Variants in TSPAN14 observed in about 807,000 individuals in gnomAD.
The protein encoded by TSPAN14 is tetraspanin 14.
Under a neutral mutation model 36.6 loss-of-function variants are expected in TSPAN14, and 16 were observed. The ratio of observed to expected loss-of-function variants is 0.44; its 90% CI spans 0.30 to 0.66. The LOEUF (loss-of-function observed/expected upper bound fraction) is 0.66. TSPAN14 is among the 30% of genes least tolerant of loss of function. The pLI, the probability that TSPAN14 is intolerant of heterozygous loss-of-function variation, is 0.12. For missense variants in TSPAN14, 231 were observed against 355.1 expected (o/e 0.65, Z 2.81); for synonymous variants, 139 against 143.8 (o/e 0.97, Z 0.24).
exon 9 of TSPAN14, chr10:80,518,234 G>C: frequency 1.9e-6 from 1 of 529,530 alleles, no homozygotes; most frequent in African/African-American, 1.9e-5. Context: ...ATGTGGGAGT[G>C]GTGACTCTGA....
intron 1 of TSPAN14, among the ~76,000 whole-genome samples, chr10:80,471,677 A>AGG (rs142735971): frequency 1.8e-3 from 277 of 152,188 alleles, no homozygotes; most frequent in African/African-American, 6.4e-3. Flanking sequence ...TCAATGGCAG[A>AGG]GGGAAGTAGG....
exon 9 of TSPAN14, chr10:80,519,822 C>G (rs536106528): frequency 6.7e-6 from 1 of 150,266 alleles, no homozygotes; most frequent in East Asian, 1.9e-4. Flanking sequence ...TTTTAAGATT[C>G]TGTATGGCAG....
At chr10:80,466,326 T>G (rs893473133) in intron 1 of TSPAN14, 1 of 152,152 alleles carries the variant, frequency 6.6e-6, no homozygotes, top group Non-Finnish European at 1.5e-5. Flanking sequence ...TGAATATGGT[T>G]TAGTGTAGCC....
At chr10:80,494,804 A>T (rs79434811) in intron 2 of TSPAN14, among the ~76,000 whole-genome samples, 1 of 152,122 alleles carries the variant, frequency 6.6e-6, no homozygotes, top group Non-Finnish European at 1.5e-5. Flanking sequence ...TTTTGTTTTC[A>T]CTGCTGGGAA....
rs113739821 is a variant in TSPAN14 at position 80,469,153 on chromosome 10, G to A, written c.-18+14782G>A. ...GTGAGGTTATCTTTGGGGCATGGGG[G>A]TGGGGGTAGGGATGGGGGGGTAACT... On this transcript the variant is annotated intron_variant, in intron 1 of 8. Coordinates refer to ENST00000429989, the Ensembl canonical transcript of TSPAN14. Among the ~76,000 whole-genome samples the A allele has an allele frequency of 2.9e-3, 434 of 151,890 alleles. 2 individuals carry two copies. The highest frequency in any genetic ancestry group is 9.8e-3 in the African/African-American group (406 of 41,430).
chr10:80,471,633 C>T (rs1359747154), intron 1 of TSPAN14, among the ~76,000 whole-genome samples: 1 of 152,194 alleles, frequency 6.6e-6, no homozygotes, highest in Non-Finnish European at 1.5e-5. Flanking sequence ...CCTGCTTTGG[C>T]CTAGCATCCT....
chr10:80,474,457 G>C (rs1846738330), intron 1 of TSPAN14, among the ~76,000 whole-genome samples: 1 of 151,768 alleles, frequency 6.6e-6, no homozygotes, highest in Non-Finnish European at 1.5e-5. Context: ...CCTCAGGACG[G>C]GAGGGGAGGG....
exon 6 of TSPAN14, chr10:80,512,234 G>A (rs1840700005): frequency 3.1e-6 from 5 of 1,614,132 alleles, no homozygotes; most frequent in East Asian, 2.2e-5. Context: ...AGAGAAGTGC[G>A]GGGTCCCCTT....
At chr10:80,456,257 T>TG (rs1049962373) in intron 1 of TSPAN14, among the ~76,000 whole-genome samples, 66 of 151,682 alleles carry the variant, frequency 4.4e-4, no homozygotes, top group African/African-American at 1.1e-3. Context: ...GACGGGGTTG[T>TG]GGGGGGGGTC....
At chr10:80,486,344 A>G (rs967821073) in intron 1 of TSPAN14, among the ~76,000 whole-genome samples, 12 of 152,208 alleles carry the variant, frequency 7.9e-5, no homozygotes, top group African/African-American at 2.4e-4. Context: ...GCAGGAGACC[A>G]GGGACCGTCA....
At chr10:80,490,382 T>C (rs867541307) in intron 2 of TSPAN14, among the ~76,000 whole-genome samples, 1 of 152,110 alleles carries the variant, frequency 6.6e-6, no homozygotes, top group African/African-American at 2.4e-5. Context: ...GTCTGAATAT[T>C]GAGCCCTAGG....
intron 3 of TSPAN14, among the ~76,000 whole-genome samples, chr10:80,506,238 G>C (rs1840292518): frequency 6.6e-6 from 1 of 152,198 alleles, no homozygotes; most frequent in African/African-American, 2.4e-5. Flanking sequence ...CTCCCAAAGT[G>C]CTGGGATTAC....
At chr10:80,503,285 G>C (rs1192713284) in intron 2 of TSPAN14, among the ~76,000 whole-genome samples, 1 of 152,204 alleles carries the variant, frequency 6.6e-6, no homozygotes, top group East Asian at 1.9e-4. Context: ...AGCGGGAAAA[G>C]GGTGTGGTGT....
chr10:80,520,543 C>A (rs74143165), exon 9 of TSPAN14: 1 of 495,318 alleles, frequency 2.0e-6, no homozygotes, highest in South Asian at 1.5e-5. Flanking sequence ...CATGCACATG[C>A]TAACTTTAAA....
At chr10:80,473,258 G>A (rs1846657781) in intron 1 of TSPAN14, among the ~76,000 whole-genome samples, 1 of 152,210 alleles carries the variant, frequency 6.6e-6, no homozygotes, top group African/African-American at 2.4e-5. Context: ...ACAGCACTGA[G>A]GTAGACAGAG....
intron 2 of TSPAN14, among the ~76,000 whole-genome samples, chr10:80,496,689 T>G (rs1848215687): frequency 6.6e-6 from 1 of 152,150 alleles, no homozygotes; most frequent in South Asian, 2.1e-4. Flanking sequence ...TCCTTTAGTT[T>G]CCATAGCTTT....
chr10:80,479,635 C>T (rs1048684600), intron 1 of TSPAN14, among the ~76,000 whole-genome samples: 5 of 152,174 alleles, frequency 3.3e-5, no homozygotes, highest in Non-Finnish European at 7.3e-5. Flanking sequence ...GGCCTCTGTT[C>T]TGTTCCATTG....
rs909595723 is a variant in TSPAN14 at position 80,454,918 on chromosome 10, C to T, written c.-18+547C>T. On this transcript the variant is annotated intron_variant, in intron 1 of 8. Coordinates refer to ENST00000429989, the Ensembl canonical transcript of TSPAN14. The stretch of plus-strand genomic sequence containing the variant: ...CGCCGTGGTTGTGCTCAGTCTCCCA[C>T]GCCGCCGTGGGTCCCACTCTGCCCG... Among the ~76,000 whole-genome samples, 17 of 152,336 alleles carry T rather than the reference C, an allele frequency of 1.1e-4. No individual in the cohort carries two copies. The East Asian group carries it at 1.9e-3, about 17-fold the overall frequency.
intron 8 of TSPAN14, among the ~76,000 whole-genome samples, chr10:80,517,249 A>G (rs1840986780): frequency 6.6e-6 from 1 of 152,250 alleles, no homozygotes; most frequent in Admixed American, 6.5e-5. Context: ...AAGGAAAGAA[A>G]AAAGTTATTT....
Sources: allele counts gnomAD v4.1 joint callset (sites outside exome capture counted in the v4.1 genomes callset), GRCh38; gene constraint gnomAD v4.1.1; transcripts MANE v1.5; gene names NCBI Gene and HGNC (gene_info 2026-07-23, HGNC 2026-07-21).